PIK3C2G: variants seen among roughly 807,000 people sequenced by gnomAD.
PIK3C2G encodes the protein phosphatidylinositol-4-phosphate 3-kinase catalytic subunit type 2 gamma.
A neutral mutation model predicts 181.1 loss-of-function variants in PIK3C2G; 168 were observed. That is an observed-to-expected ratio of 0.93 (90% CI 0.82 to 1.05). The LOEUF is 1.05. Among genes scored for constraint, PIK3C2G ranks in the 50% least tolerant of loss-of-function variants. The pLI is 0.00. For missense variants in PIK3C2G, 1,869 were observed against 1,732.8 expected (o/e 1.08, Z -1.40); for synonymous variants, 573 against 592.2 (o/e 0.97, Z 0.47).
chr12:18,659,318 A>G, the PIK3C2G span, among the ~76,000 whole-genome samples: 1 of 152,152 alleles, frequency 6.6e-6, no homozygotes, highest in African/African-American at 2.4e-5. Context: ...AAACAAAAGT[A>G]GTCAGACAAA....
At chr12:18,600,598 C>A (rs1435429779) in intron 30 of PIK3C2G, among the ~76,000 whole-genome samples, 1 of 151,712 alleles carries the variant, frequency 6.6e-6, no homozygotes, top group Non-Finnish European at 1.5e-5. Flanking sequence ...TGCAAGTACG[C>A]AAATATTAAT....
intron 1 of PIK3C2G, among the ~76,000 whole-genome samples, chr12:18,280,191 C>A (rs961234851): frequency 2.0e-5 from 3 of 151,834 alleles, no homozygotes; most frequent in Non-Finnish European, 4.4e-5. Flanking sequence ...TTAAATAATA[C>A]GGTCAACAAA....
At chr12:18,654,363 T>C in the PIK3C2G span, among the ~76,000 whole-genome samples, 1 of 151,770 alleles carries the variant, frequency 6.6e-6, no homozygotes, top group African/African-American at 2.4e-5. Flanking sequence ...AATGATTTCC[T>C]GGAAAGACTA....
chr12:18,448,137 G>T (rs1947131828), intron 18 of PIK3C2G, among the ~76,000 whole-genome samples: 1 of 151,970 alleles, frequency 6.6e-6, no homozygotes, highest in Admixed American at 6.6e-5. Flanking sequence ...AGAGCAAAAA[G>T]TGCTTTTTTG....
At chr12:18,554,155 G>C (rs1167989184) in intron 26 of PIK3C2G, among the ~76,000 whole-genome samples, 1 of 152,042 alleles carries the variant, frequency 6.6e-6, no homozygotes, top group Non-Finnish European at 1.5e-5. Context: ...GACCTAGTGA[G>C]TACAGATTAG....
intron 21 of PIK3C2G, 69 bp downstream of exon 21, chr12:18,496,223 G>T (rs1941000230): frequency 3.2e-6 from 3 of 934,192 alleles, no homozygotes; most frequent in Non-Finnish European, 4.8e-6. Context: ...CTCACAAAAA[G>T]AAATTGTTGT....
intron 24 of PIK3C2G, among the ~76,000 whole-genome samples, chr12:18,511,959 T>C (rs529412213): frequency 6.6e-6 from 1 of 152,202 alleles, no homozygotes; most frequent in Middle Eastern, 3.4e-3. Context: ...GTCTTATATT[T>C]AAGTAATTTC....
chr12:18,387,687 T>C (rs1943264698), intron 14 of PIK3C2G, among the ~76,000 whole-genome samples: 1 of 152,172 alleles, frequency 6.6e-6, no homozygotes, highest in African/African-American at 2.4e-5. Context: ...TAATACCCAA[T>C]AGCATTTTTA....
At chr12:18,397,916 T>C (rs1299067985) in intron 15 of PIK3C2G, among the ~76,000 whole-genome samples, 1 of 152,090 alleles carries the variant, frequency 6.6e-6, no homozygotes, top group Non-Finnish European at 1.5e-5. Flanking sequence ...GGCATAGTTA[T>C]ACAAAGGAAT....
intron 2 of PIK3C2G, among the ~76,000 whole-genome samples, chr12:18,284,118 T>C (rs1256853165): frequency 6.6e-6 from 1 of 152,042 alleles, no homozygotes; most frequent in African/African-American, 2.4e-5. Context: ...TGGCCAAGTA[T>C]TGGGATGTGC....
chr12:18,339,249 A>T (rs1310168271), intron 9 of PIK3C2G, among the ~76,000 whole-genome samples: 1 of 152,196 alleles, frequency 6.6e-6, no homozygotes, highest in Admixed American at 6.5e-5. Flanking sequence ...ATGATAAAGC[A>T]GAAAGATATG....
chr12:18,639,891 T>A (rs1449915315), intron 31 of PIK3C2G, among the ~76,000 whole-genome samples: 1 of 152,062 alleles, frequency 6.6e-6, no homozygotes, highest in Non-Finnish European at 1.5e-5. Flanking sequence ...GATGATAAAA[T>A]TATTATAATC....
chr12:18,321,084 T>C (rs374148548), intron 7 of PIK3C2G, 52 bp downstream of exon 7: 14 of 927,746 alleles, frequency 1.5e-5, no homozygotes, highest in African/African-American at 3.4e-5. Context: ...AGTTCTCAAA[T>C]GTCAAATCTC....
chr12:18,642,084 A>G (rs1283570227), intron 32 of PIK3C2G, among the ~76,000 whole-genome samples: 1 of 152,080 alleles, frequency 6.6e-6, no homozygotes, highest in Non-Finnish European at 1.5e-5. Flanking sequence ...GGGGAGCTCC[A>G]TCTGAATGTC....
At chr12:18,308,932 A>G (rs1307938856) in intron 5 of PIK3C2G, among the ~76,000 whole-genome samples, 1 of 151,734 alleles carries the variant, frequency 6.6e-6, no homozygotes, top group Non-Finnish European at 1.5e-5. Flanking sequence ...AATTAAGACC[A>G]TTGACTGCTC....
chr12:18,391,764 T>G (rs1399021507), intron 15 of PIK3C2G, among the ~76,000 whole-genome samples: 1 of 152,166 alleles, frequency 6.6e-6, no homozygotes, highest in African/African-American at 2.4e-5. Context: ...TAGTGGCATT[T>G]GTAGTTGATA....
At chr12:18,685,830 TCA>T in the PIK3C2G span, among the ~76,000 whole-genome samples, 1 of 123,162 alleles carries the variant, frequency 8.1e-6, no homozygotes, top group African/African-American at 3.4e-5. Context: ...TCTCTCTCTG[TCA>T]CACACACACA....
chr12:18,381,840 G>A lies in PIK3C2G; in HGVS notation c.1955G>A (p.Gly652Glu). ...CCTCCCGTAGAAATGATAACTCCAG[G>A]AGTGTGGGATGTAAGTCAGCCATCC... ...SEPPVEMITP[G>E]VWDVSQPSPV... Residue 652 changes from glycine to glutamate, a missense_variant, in exon 14 of 33, where the codon GGA (glycine) becomes GAA (glutamate). Gly to Glu is a moderately conservative substitution (Grantham distance 98). Coordinates refer to ENST00000538779, the MANE Select transcript of PIK3C2G (RefSeq NM_001288772.2). 1 of 1,613,656 alleles carries A rather than the reference G, an allele frequency of 6.2e-7. No individual in the cohort carries two copies. Among genetic ancestry groups the A allele is most frequent in the South Asian group, 1.1e-5 (1 of 91,070 alleles).
Position 18,562,787 on chromosome 12 carries a change from T to G in PIK3C2G, c.3675T>G (p.Pro1225=). The change falls in exon 27 of 33, where the codon CCT becomes CCG. Residue 1225 remains proline (P), a synonymous_variant. Transcript: ENST00000538779. ...TTGCACAAATGTCAGCCATAAGCCC[T>G]GCCAAATCTACTTCACAGACTTTTC... ...HTLAQMSAIS[P]AKSTSQTFPQ... is the part of the protein sequence containing the mutation. 6.2e-7 allele frequency: 1 copy of G among 1,608,240 alleles called. No individual in the cohort carries two copies. The highest frequency in any genetic ancestry group is 8.5e-7 in the Non-Finnish European group (1 of 1,176,714).
Sources: gnomAD v4.1 joint callset for allele counts (sites outside exome capture counted in the v4.1 genomes callset) on GRCh38, gnomAD v4.1.1 for gene constraint, MANE v1.5 for transcripts, NCBI Gene and HGNC (gene_info 2026-07-23, HGNC 2026-07-21) for gene names.